ZNF607: variants seen among roughly 807,000 people sequenced by gnomAD.
ZNF607 encodes zinc finger protein 607.
A neutral mutation model predicts 12.8 loss-of-function variants in ZNF607; 5 were observed. The ratio of observed to expected loss-of-function variants is 0.39; its 90% CI spans 0.20 to 0.82. ZNF607 has a LOEUF of 0.82. ZNF607 is among the 40% of genes least tolerant of loss of function. The pLI is 0.39. For missense variants in ZNF607, 851 were observed against 859.2 expected, an observed-to-expected ratio of 0.99 and a Z score of 0.12; for synonymous variants, 287 against 276.2, an observed-to-expected ratio of 1.04 and a Z score of -0.39.
At position 37,711,688 on chromosome 19, in the gene ZNF607, A is replaced by G; in HGVS notation, c.-70T>C. ...CCAGAAGAGCAAAGTCAAAAGAACC[A>G]AGACCTGAAAGAAGAGAAGACCTTG... is the stretch of plus-strand genomic sequence containing the variant. On this transcript the variant is annotated 5_prime_UTR_variant, in exon 2 of 5. Coordinates refer to ENST00000355202, the MANE Select transcript of ZNF607 (RefSeq NM_032689.5). 6.6e-7 allele frequency: 1 copy of G among 1,521,540 alleles called. No individual in the cohort carries two copies. Among genetic ancestry groups the G allele is most frequent in the Non-Finnish European group, 9.1e-7 (1 of 1,097,196 alleles). The allele number at this position is 1,521,540 out of a possible 1,614,324, so 94.3% of individuals were successfully genotyped here.
chr19:37,714,936 G>T (rs935833321), intron 1 of ZNF607, among the ~76,000 whole-genome samples: 57 of 151,540 alleles, frequency 3.8e-4, no homozygotes, highest in African/African-American at 1.1e-3. Flanking sequence ...AAATGGAGTC[G>T]CGTTCTGTCG....
intron 1 of ZNF607, among the ~76,000 whole-genome samples, chr19:37,712,675 TTG>T (rs1376273218): frequency 6.6e-6 from 1 of 152,234 alleles, no homozygotes; most frequent in East Asian, 1.9e-4. Context: ...CCCTATACTT[TTG>T]TGTGGCTCTT....
intron 4 of ZNF607, among the ~76,000 whole-genome samples, chr19:37,707,328 C>G (rs976894976): frequency 6.6e-6 from 1 of 151,834 alleles, no homozygotes; most frequent in African/African-American, 2.4e-5. Context: ...CCTGTCTCTA[C>G]AAAAATACAA....
intron 2 of ZNF607, among the ~76,000 whole-genome samples, chr19:37,710,238 G>T (rs753407612): frequency 2.0e-5 from 3 of 152,196 alleles, no homozygotes; most frequent in African/African-American, 7.2e-5. Flanking sequence ...GCCAAGGCGG[G>T]CAGATTACCT....
In ZNF607 at chr19:37,698,755, C is replaced by G; in HGVS notation, c.1376G>C (p.Arg459Pro). ...FECKECGKSF[R>P]CASYLVIHER... is the part of the protein sequence containing the mutation. ...ATGTATAACAAGATATGAGGCACAA[C>G]GAAAGGACTTCCCACATTCTTTACA... The change falls in exon 5 of 5, where the codon CGT becomes CCT. Residue 459 changes from arginine to proline, a missense_variant. Physicochemically the swap from Arg to Pro is moderately radical, Grantham distance 103. Transcript: ENST00000355202. 3 of 1,613,792 alleles carry G rather than the reference C, an allele frequency of 1.9e-6. No individual in the cohort carries two copies. The highest frequency in any genetic ancestry group is 2.5e-6 in the Non-Finnish European group (3 of 1,179,794).
chr19:37,708,578 T>C (rs2045105981), intron 3 of ZNF607, among the ~76,000 whole-genome samples: 1 of 151,488 alleles, frequency 6.6e-6, no homozygotes, highest in African/African-American at 2.4e-5. Flanking sequence ...AAGCCTGGGA[T>C]TGGCTGGGTG....
rs1568402392 is a variant in ZNF607 at position 37,698,688 on chromosome 19, C to T, written c.1443G>A (p.Glu481=). The T allele has an allele frequency of 3.1e-6, 5 of 1,612,930 alleles. No individual in the cohort carries two copies. In the Middle Eastern group the frequency reaches 5.0e-4, roughly 160 times the overall value. The change falls in exon 5 of 5, where the codon GAG becomes GAA. Residue 481 remains glutamate, a synonymous_variant. Coordinates refer to ENST00000355202, the MANE Select transcript of ZNF607 (RefSeq NM_032689.5). ...HTGEKPYVCQ[E]CGKGFSYSHK... is the part of the protein sequence containing the mutation. ...GGCTATAACTAAAACCCTTCCCACA[C>T]TCTTGACATACATAGGGTTTCTCTC...
At chr19:37,711,492 G>A in intron 2 of ZNF607, 118 bp downstream of exon 2, 1 of 1,018,180 alleles carries the variant, frequency 9.8e-7, no homozygotes. Flanking sequence ...ATGAGAACTG[G>A]AGATTAGGTT....
At chr19:37,703,938 T>C (rs1206744670) in intron 4 of ZNF607, among the ~76,000 whole-genome samples, 2 of 152,004 alleles carry the variant, frequency 1.3e-5, no homozygotes, top group Admixed American at 6.6e-5. Flanking sequence ...AGATCGAGAC[T>C]AGCCTGGCCA....
chr19:37,711,943 G>T (rs2045136969), intron 1 of ZNF607, among the ~76,000 whole-genome samples: 1 of 152,196 alleles, frequency 6.6e-6, no homozygotes, highest in African/African-American at 2.4e-5. Flanking sequence ...GAAATTTTCT[G>T]GCCAATGTAC....
chr19:37,702,211 TG>T, intron 4 of ZNF607, among the ~76,000 whole-genome samples: 1 of 139,920 alleles, frequency 7.1e-6, no homozygotes. Flanking sequence ...CACTTGAACC[TG>T]GGAGGCAGAG....
intron 4 of ZNF607, among the ~76,000 whole-genome samples, chr19:37,701,285 G>T (rs2972432): frequency 6.6e-6 from 1 of 152,106 alleles, no homozygotes; most frequent in African/African-American, 2.4e-5. Context: ...TCTCTTCAAA[G>T]AATTAATCTA....
chr19:37,706,832 A>T (rs1306707139), intron 4 of ZNF607, among the ~76,000 whole-genome samples: 1 of 151,946 alleles, frequency 6.6e-6, no homozygotes, highest in Admixed American at 6.6e-5. Context: ...CTGGGATTAT[A>T]GGCAGTGCCA....
rs747244244 is a variant in ZNF607 at position 37,699,456 on chromosome 19, G to A, written c.675C>T (p.Tyr225=). Residue 225 remains tyrosine (Y), a synonymous_variant, in exon 5 of 5, where the codon TAC becomes TAT. Coordinates refer to ENST00000355202, the MANE Select transcript of ZNF607 (RefSeq NM_032689.5). The stretch of plus-strand genomic sequence containing the variant: ...AGGCCTTGCCACATTCCTTACATTC[G>A]TAGGGTTTCTCACCATAATGAAATC... ...HHRFHYGEKP[Y]ECKECGKAFS... 1.2e-5 allele frequency: 19 copies of A among 1,613,776 alleles called. No homozygotes were observed. The highest frequency in any genetic ancestry group is 6.7e-5 in the East Asian group (3 of 44,872).
Position 37,697,476 on chromosome 19 carries a change from C to T in ZNF607, c.*564G>A. 1 of 674,286 alleles carries T rather than the reference C, an allele frequency of 1.5e-6. No individual in the cohort carries two copies. Among genetic ancestry groups the T allele is most frequent in the Non-Finnish European group, 2.7e-6 (1 of 371,826 alleles). The allele number at this position is 674,286 out of a possible 1,614,324, so 41.8% of individuals were successfully genotyped here. On this transcript the variant is annotated 3_prime_UTR_variant, in exon 5 of 5. Coordinates refer to ENST00000355202, the MANE Select transcript of ZNF607 (RefSeq NM_032689.5). ...CATCTAACTCATGTAATTCTAACAGCACTATACTGTAGGTACTACTATCAT... is the reference window on the plus strand; with the variant it reads ...CATCTAACTCATGTAATTCTAACAGTACTATACTGTAGGTACTACTATCAT...
Position 37,698,995 on chromosome 19 carries a change from C to A in ZNF607, c.1136G>T (p.Arg379Leu), listed in dbSNP as rs770018833. The part of the protein sequence containing the change: ...ECGKAFSVHG[R>L]LTRHQGIHSG... ...ATGAATACCCTGATGTCGAGTAAGT[C>A]GTCCATGCACACTAAAGGCTTTCCC... Residue 379 changes from arginine to leucine, a missense_variant, in exon 5 of 5, where the codon CGA (arginine) becomes CTA (leucine). Arg to Leu is a moderately radical substitution (Grantham distance 102). Transcript: ENST00000355202. 6.2e-7 allele frequency: 1 copy of A among 1,613,520 alleles called. No individual in the cohort carries two copies. Among genetic ancestry groups the A allele is most frequent in the South Asian group, 1.1e-5 (1 of 91,046 alleles).
Position 37,699,408 on chromosome 19 carries a change from A to C in ZNF607, c.723T>G (p.Ser241Arg). 6.2e-7 allele frequency: 1 copy of C among 1,614,112 alleles called. No individual in the cohort carries two copies. Among genetic ancestry groups the C allele is most frequent in the Non-Finnish European group, 8.5e-7 (1 of 1,180,006 alleles). Residue 241 changes from serine (S) to arginine (R), a missense_variant, in exon 5 of 5, where the codon AGT (serine) becomes AGG (arginine). Coordinates refer to ENST00000355202, the MANE Select transcript of ZNF607 (RefSeq NM_032689.5). ...CACCAGTGTGAATACTCTGATGTCG[A>C]CTAAGTCGTCCATACACACTAAAGG... ...GKAFSVYGRL[S>R]RHQSIHTGEK...
At chr19:37,702,287 CAAAAAAAAAAAAA>C (rs10714690) in intron 4 of ZNF607, among the ~76,000 whole-genome samples, 1 of 73,628 alleles carries the variant, frequency 1.4e-5, no homozygotes, top group Admixed American at 1.7e-4. Context: ...AACTCCATCT[CAAAAAAAAAAAAA>C]AAAAAAAAAG....
At chr19:37,703,155 T>C (rs1045208901) in intron 4 of ZNF607, among the ~76,000 whole-genome samples, 1 of 151,868 alleles carries the variant, frequency 6.6e-6, no homozygotes, top group Non-Finnish European at 1.5e-5. Flanking sequence ...TTTCTCCATG[T>C]TGAGGCTGGT....
Sources: gnomAD v4.1 joint callset for allele counts (sites outside exome capture counted in the v4.1 genomes callset) on GRCh38, gnomAD v4.1.1 for gene constraint, MANE v1.5 for transcripts, NCBI Gene and HGNC (gene_info 2026-07-23, HGNC 2026-07-21) for gene names.